Variants in SMYD2 observed in about 807,000 individuals in gnomAD.
SMYD2 encodes N-lysine methyltransferase SMYD2.
In SMYD2, 53 loss-of-function variants were observed where a neutral mutation model predicts 59.1. The ratio of observed to expected loss-of-function variants is 0.90; its 90% confidence interval spans 0.72 to 1.13. The LOEUF is 1.13. Ranked by LOEUF, SMYD2 falls within the 50% of genes most tolerant of loss-of-function variation. SMYD2 has a pLI of 0.00. For missense variants in SMYD2, 494 were observed against 544.7 expected (o/e 0.91, Z 0.93); for synonymous variants, 208 against 198.8 (o/e 1.05, Z -0.39).
At chr1:214,291,897 A>AT (rs1319773982) in intron 1 of SMYD2, among the ~76,000 whole-genome samples, 1 of 152,168 alleles carries the variant, frequency 6.6e-6, no homozygotes. Flanking sequence ...CTGAGTAAAT[A>AT]TTTTAAACAG....
At chr1:214,336,270 T>C (rs6660940) in intron 11 of SMYD2, among the ~76,000 whole-genome samples, 123,213 of 151,404 alleles carry the variant, frequency 0.81, 50,798 homozygotes, top group African/African-American at 0.94. Context: ...CGGTGGCTCA[T>C]GCCTGTAATC....
At chr1:214,291,546 A>G (rs1171480312) in intron 1 of SMYD2, among the ~76,000 whole-genome samples, 5 of 152,188 alleles carry the variant, frequency 3.3e-5, no homozygotes, top group African/African-American at 1.2e-4. Context: ...AAAACTAGGC[A>G]GTTTTCCTTG....
chr1:214,309,095 C>T (rs1285276763), intron 2 of SMYD2, among the ~76,000 whole-genome samples: 1 of 152,150 alleles, frequency 6.6e-6, no homozygotes, highest in African/African-American at 2.4e-5. Context: ...CTCCCCAAGC[C>T]CTCTTCTGTC....
intron 1 of SMYD2, among the ~76,000 whole-genome samples, chr1:214,281,781 A>C (rs1395479498): frequency 2.6e-5 from 4 of 152,210 alleles, no homozygotes; most frequent in Non-Finnish European, 4.4e-5. Flanking sequence ...CTCCCGGTGC[A>C]TTGGCAGCGG....
intron 1 of SMYD2, among the ~76,000 whole-genome samples, chr1:214,300,616 T>G (rs186288620): frequency 1.5e-4 from 23 of 152,338 alleles, no homozygotes; most frequent in Non-Finnish European, 1.8e-4. Flanking sequence ...ACTATTAGCT[T>G]ATCCACTCAC....
intron 1 of SMYD2, among the ~76,000 whole-genome samples, chr1:214,285,233 A>G (rs913803760): frequency 1.3e-5 from 2 of 152,160 alleles, no homozygotes; most frequent in Non-Finnish European, 2.9e-5. Flanking sequence ...TAGCGTATTC[A>G]TCTTAGCTTT....
intron 1 of SMYD2, among the ~76,000 whole-genome samples, chr1:214,285,190 CT>C (rs34399812): frequency 0.48 from 73,440 of 152,012 alleles, 19,151 homozygotes; most frequent in African/African-American, 0.69. Flanking sequence ...GTTATAAAGG[CT>C]TTTTTTCCTC....
intron 1 of SMYD2, among the ~76,000 whole-genome samples, chr1:214,290,824 CTG>C (rs1656624217): frequency 6.6e-6 from 1 of 152,138 alleles, no homozygotes; most frequent in East Asian, 1.9e-4. Flanking sequence ...TCTGTTTAAT[CTG>C]AGTACCAAGA....
At chr1:214,290,761 G>T (rs2133176) in intron 1 of SMYD2, among the ~76,000 whole-genome samples, 73,264 of 151,996 alleles carry the variant, frequency 0.48, 19,060 homozygotes, top group African/African-American at 0.69. Flanking sequence ...CAAATAAAAA[G>T]CTCAAGGATT....
rs1418260200 is a variant in SMYD2 at position 214,330,199 on chromosome 1, C to T, written c.737C>T (p.Pro246Leu). 5 of 1,613,306 alleles carry T rather than the reference C, an allele frequency of 3.1e-6. No homozygotes were observed. In the South Asian group the frequency reaches 4.4e-5, roughly 14 times the overall value. Residue 246 changes from proline (P) to leucine (L), a missense_variant, in exon 8 of 12, where the codon CCA becomes CTA. Pro to Leu is a moderately conservative substitution (Grantham distance 98). Transcript: ENST00000366957. ...VFTSYIDLLYPTEDRNDRLRD... is the reference protein window; with the variant it reads ...VFTSYIDLLYLTEDRNDRLRD... ...ACCAGCTATATTGATCTCCTGTACCCAACGGAAGATAGAAATGACCGGTTA... is the reference window on the plus strand; with the variant it reads ...ACCAGCTATATTGATCTCCTGTACCTAACGGAAGATAGAAATGACCGGTTA...
intron 1 of SMYD2, among the ~76,000 whole-genome samples, chr1:214,287,364 A>T (rs997065950): frequency 6.6e-6 from 1 of 151,622 alleles, no homozygotes; most frequent in Non-Finnish European, 1.5e-5. Context: ...AGGCGGGCGG[A>T]TTACCTGAGG....
chr1:214,324,581 T>C, intron 5 of SMYD2, 60 bp from the exon 6 acceptor site: 5 of 1,418,436 alleles, frequency 3.5e-6, no homozygotes, highest in African/African-American at 2.9e-5. Context: ...AAAAAAATGA[T>C]CTCTACCCAG....
At chr1:214,287,586 C>CA (rs36187427) in intron 1 of SMYD2, among the ~76,000 whole-genome samples, 6,123 of 75,278 alleles carry the variant, frequency 0.081, 482 homozygotes, top group South Asian at 0.26. Flanking sequence ...GACTATGTCT[C>CA]AAAAAAAAAA....
chr1:214,314,777 A>G lies in SMYD2; in HGVS notation c.253A>G (p.Met85Val), dbSNP rs757471509. 7.4e-6 allele frequency: 12 copies of G among 1,613,974 alleles called. No homozygotes were observed. In the South Asian group the frequency reaches 1.2e-4, roughly 16 times the overall value. The change falls in exon 3 of 12, where the codon ATG (methionine) becomes GTG (valine). Residue 85 changes from methionine (M) to valine (V), a missense_variant. By Grantham distance (21) the Met-to-Val change is conservative (BLOSUM62 1). Coordinates refer to ENST00000366957, the MANE Select transcript of SMYD2 (RefSeq NM_020197.3). ...NVECQKEDWP[M>V]HKLECSPMVV... ...ATCTTCCCAGAAAGAAGATTGGCCC[A>G]TGCACAAGCTGGAATGTTCTCCCAT... is the stretch of plus-strand genomic sequence containing the variant.
chr1:214,301,986 G>A (rs192166404), intron 1 of SMYD2, among the ~76,000 whole-genome samples: 33 of 152,218 alleles, frequency 2.2e-4, no homozygotes, highest in Non-Finnish European at 2.9e-4. Context: ...TCATTACTGC[G>A]TCGTCAGGGA....
chr1:214,282,760 C>G (rs1313059916), intron 1 of SMYD2, among the ~76,000 whole-genome samples: 1 of 152,102 alleles, frequency 6.6e-6, no homozygotes, highest in Non-Finnish European at 1.5e-5. Flanking sequence ...AGCTTAAGGG[C>G]TGTATGTGAT....
chr1:214,289,067 G>A (rs139725212), intron 1 of SMYD2, among the ~76,000 whole-genome samples: 18 of 151,586 alleles, frequency 1.2e-4, no homozygotes, highest in African/African-American at 4.1e-4. Context: ...TGGTATTCCT[G>A]TAGAACAGGC....
In SMYD2 at chr1:214,303,251, G is replaced by A. The variant is rs184616461; in HGVS notation, c.174-1936G>A. Reference sequence around the variant, plus strand: ...CTGACACACCTCTCTGTGGAAAGAAGTTTGCAAGCTTCCTCCCTGGCTCTG... The same window carrying A: ...CTGACACACCTCTCTGTGGAAAGAAATTTGCAAGCTTCCTCCCTGGCTCTG... On this transcript the variant is annotated intron_variant, in intron 1 of 11. Transcript: ENST00000366957. Among the ~76,000 whole-genome samples the A allele has an allele frequency of 2.3e-3, 345 of 152,302 alleles. 1 individual carries two copies. The highest frequency in any genetic ancestry group is 7.4e-3 in the African/African-American group (307 of 41,554).
chr1:214,311,959 C>T (rs992224079), intron 2 of SMYD2, among the ~76,000 whole-genome samples: 44 of 152,224 alleles, frequency 2.9e-4, no homozygotes, highest in African/African-American at 1.0e-3. Context: ...TCAGGTATCC[C>T]GAGGGTCATC....
Sources: gnomAD v4.1 joint callset for allele counts (sites outside exome capture counted in the v4.1 genomes callset) on GRCh38, gnomAD v4.1.1 for gene constraint, MANE v1.5 for transcripts, NCBI Gene and HGNC (gene_info 2026-07-23, HGNC 2026-07-21) for gene names.